ADGRV1: variants seen among roughly 807,000 people sequenced by gnomAD.
ADGRV1 encodes adhesion G protein-coupled receptor V1, also known as G-protein coupled receptor 98.
In ADGRV1, 359 loss-of-function variants were observed where a neutral mutation model predicts 596.2. The observed-to-expected ratio is 0.60, with a 90% CI of 0.55 to 0.66. The LOEUF (loss-of-function observed/expected upper bound fraction) is 0.66, where lower values mean the gene tolerates loss of function less well. Among genes scored for constraint, ADGRV1 ranks in the 30% least tolerant of loss-of-function variants. The pLI is 0.00. For missense variants in ADGRV1, 7,274 were observed against 7,575.6 expected, an observed-to-expected ratio of 0.96 and a Z score of 1.48; for synonymous variants, 2,681 against 2,679.2, an observed-to-expected ratio of 1.00 and a Z score of -0.02.
chr5:90,689,485 A>G (rs1746179141), intron 29 of ADGRV1, among the ~76,000 whole-genome samples: 1 of 152,024 alleles, frequency 6.6e-6, no homozygotes, highest in Non-Finnish European at 1.5e-5. Context: ...TTATCTTTCC[A>G]GTGGCATTAC....
chr5:91,127,317 A>T (rs933254928), intron 87 of ADGRV1, among the ~76,000 whole-genome samples: 4 of 152,162 alleles, frequency 2.6e-5, no homozygotes, highest in Admixed American at 2.6e-4. Flanking sequence ...ATGTGGGCAG[A>T]TTGCTTGAGG....
chr5:90,915,286 A>T (rs1485444900), intron 83 of ADGRV1, among the ~76,000 whole-genome samples: 2 of 152,344 alleles, frequency 1.3e-5, no homozygotes, highest in Admixed American at 1.3e-4. Context: ...AACAGCAAGT[A>T]AAGAATTTAA....
At chr5:90,782,606 T>C (rs761316661) in intron 65 of ADGRV1, among the ~76,000 whole-genome samples, 1 of 152,176 alleles carries the variant, frequency 6.6e-6, no homozygotes, top group Non-Finnish European at 1.5e-5. Context: ...AGACACATTT[T>C]CAGATTCACA....
chr5:90,854,745 A>G (rs982478176), intron 81 of ADGRV1, among the ~76,000 whole-genome samples: 2 of 152,182 alleles, frequency 1.3e-5, no homozygotes, highest in East Asian at 3.9e-4. Context: ...AGCTCAGTCA[A>G]TGCTGCAGGA....
intron 75 of ADGRV1, among the ~76,000 whole-genome samples, chr5:90,821,771 G>C (rs1009206804): frequency 6.6e-6 from 1 of 151,848 alleles, no homozygotes; most frequent in African/African-American, 2.4e-5. Context: ...CAGTCTGCCC[G>C]TTCTCAGATC....
In ADGRV1 at chr5:90,644,778, T is replaced by G. The variant is rs1767492356; in HGVS notation, c.2807T>G (p.Phe936Cys). The G allele has an allele frequency of 2.5e-6, 4 of 1,611,402 alleles. No homozygotes were observed. The East Asian group carries it at 8.9e-5, about 36-fold the overall frequency. Reference sequence around the variant, plus strand: ...GTATCATGGGTGGTTAGTCCAGACTTTACACAAGATGTATTTCCTGTACAA... The same window carrying G: ...GTATCATGGGTGGTTAGTCCAGACTGTACACAAGATGTATTTCCTGTACAA... ...VSVSWVVSPD[F>C]TQDVFPVQGT... The change falls in exon 15 of 90, where the codon TTT (phenylalanine) becomes TGT (cysteine). Residue 936 changes from phenylalanine to cysteine, a missense_variant. Transcript: ENST00000405460.
intron 83 of ADGRV1, among the ~76,000 whole-genome samples, chr5:90,956,979 A>G (rs1234864976): frequency 6.6e-6 from 1 of 152,170 alleles, no homozygotes; most frequent in Non-Finnish European, 1.5e-5. Context: ...TAAGGGACTG[A>G]GTAGAAACAC....
intron 60 of ADGRV1, 117 bp downstream of exon 60, chr5:90,774,420 A>C (rs143171254): frequency 2.6e-5 from 16 of 621,222 alleles, no homozygotes; most frequent in Non-Finnish European, 4.6e-5. Flanking sequence ...CTAAAACATA[A>C]AGATACCATT....
At position 90,788,284 on chromosome 5, in the gene ADGRV1, T is replaced by C. The variant is rs1321461307; in HGVS notation, c.13867T>C (p.Ser4623Pro). ...TGTGAAAGGAGAAGCTAAATTAGAC[T>C]CCAGAGCTAAAGATGTTACATTAAC... ...HLVKGEAKLD[S>P]RAKDVTLTIQ... The change falls in exon 68 of 90, where the codon TCC becomes CCC. Residue 4623 changes from serine (S) to proline (P), a missense_variant. By Grantham distance (74) the Ser-to-Pro change is moderately conservative. Coordinates refer to ENST00000405460, the MANE Select transcript of ADGRV1 (RefSeq NM_032119.4). 5.6e-6 allele frequency: 9 copies of C among 1,612,594 alleles called. No homozygotes were observed. Among genetic ancestry groups the C allele is most frequent in the African/African-American group, 2.7e-5 (2 of 74,912 alleles).
At chr5:90,941,365 T>C (rs1776155775) in intron 83 of ADGRV1, among the ~76,000 whole-genome samples, 1 of 152,214 alleles carries the variant, frequency 6.6e-6, no homozygotes, top group Non-Finnish European at 1.5e-5. Flanking sequence ...CATGTGAATA[T>C]TTAAAATACA....
chr5:90,944,356 T>A (rs1776401657), intron 83 of ADGRV1, among the ~76,000 whole-genome samples: 1 of 152,188 alleles, frequency 6.6e-6, no homozygotes, highest in Admixed American at 6.5e-5. Context: ...TACATTTTTT[T>A]ATTATGATGA....
At chr5:90,781,714 T>G in intron 65 of ADGRV1, 136 bp downstream of exon 65, 1 of 733,724 alleles carries the variant, frequency 1.4e-6, no homozygotes, top group Non-Finnish European at 2.1e-6. Flanking sequence ...ACTTTTATAT[T>G]TATTTACTTA....
chr5:90,781,468 T>C lies in ADGRV1; in HGVS notation c.13121T>C (p.Ile4374Thr). The change falls in exon 65 of 90, where the codon ATA becomes ACA. Residue 4374 changes from isoleucine (I) to threonine (T), a missense_variant. This residue lies in a region of ADGRV1 where 3,643 missense variants were observed against 3,809.2 expected (regional missense o/e 0.96). Coordinates refer to ENST00000405460, the MANE Select transcript of ADGRV1 (RefSeq NM_032119.4). ...ACCATTCAAGAAAATGGACTTCAGATAGATCAACCTCCTGAAATAGGAAAC... is the reference window on the plus strand; with the variant it reads ...ACCATTCAAGAAAATGGACTTCAGACAGATCAACCTCCTGAAATAGGAAAC... ...DFTIQENGLQ[I>T]DQPPEIGNIS... is the part of the protein sequence containing the mutation. 6.2e-7 allele frequency: 1 copy of C among 1,608,994 alleles called. No homozygotes were observed. Among genetic ancestry groups the C allele is most frequent in the Non-Finnish European group, 8.5e-7 (1 of 1,177,072 alleles).
chr5:90,655,989 A>G (rs1318284813), intron 20 of ADGRV1: 1 of 152,214 alleles, frequency 6.6e-6, no homozygotes, highest in Non-Finnish European at 1.5e-5. Flanking sequence ...ATACATGTAT[A>G]TTGCATGAAA....
At chr5:90,747,430 C>T (rs2438367) in intron 52 of ADGRV1, among the ~76,000 whole-genome samples, 58,392 of 151,840 alleles carry the variant, frequency 0.38, 12,246 homozygotes, top group Admixed American at 0.54. Context: ...TGATTTATTA[C>T]GGCAAAGAAT....
intron 31 of ADGRV1, among the ~76,000 whole-genome samples, chr5:90,691,384 CTTT>C (rs34426784): frequency 8.1e-6 from 1 of 123,440 alleles, no homozygotes; most frequent in African/African-American, 3.2e-5. Flanking sequence ...AAACTTTTTT[CTTT>C]TTTTTTTTTT....
At position 91,056,621 on chromosome 5, in the gene ADGRV1, G is replaced by T. The variant is rs982287631; in HGVS notation, c.18153-15826G>T. Among the ~76,000 whole-genome samples the T allele has an allele frequency of 2.6e-5, 4 of 151,996 alleles. No homozygotes were observed. In the East Asian group the frequency reaches 7.7e-4, roughly 29 times the overall value. The stretch of plus-strand genomic sequence containing the variant: ...AATGACAGTAGAATGGTCGTCATTG[G>T]GTTCTTTGGCAACGTCTTGTGTTGT... On this transcript the variant is annotated intron_variant, in intron 85 of 89. Transcript: ENST00000405460.
At chr5:90,606,755 C>T (rs182154596) in intron 1 of ADGRV1, among the ~76,000 whole-genome samples, 5 of 151,604 alleles carry the variant, frequency 3.3e-5, no homozygotes, top group African/African-American at 9.7e-5. Flanking sequence ...AGTGGTTGCC[C>T]TCTACACCTA....
intron 85 of ADGRV1, among the ~76,000 whole-genome samples, 198 bp downstream of exon 85, chr5:90,985,720 C>T (rs1280788811): frequency 6.6e-6 from 1 of 152,156 alleles, no homozygotes; most frequent in African/African-American, 2.4e-5. Context: ...GCAGTTTTCT[C>T]AAGTGAGTTG....
Sources: allele counts gnomAD v4.1 joint callset (sites outside exome capture counted in the v4.1 genomes callset), GRCh38; gene constraint gnomAD v4.1.1; regional missense constraint gnomAD v4.1.1; transcripts MANE v1.5; gene names NCBI Gene and HGNC (gene_info 2026-07-23, HGNC 2026-07-21).